The following LRMDA variants were observed in gnomAD, a reference collection of about 807,000 sequenced individuals.
LRMDA encodes the protein leucine-rich melanocyte differentiation-associated protein.
Under a neutral mutation model 29.8 loss-of-function variants are expected in LRMDA, and 18 were observed. That is an observed-to-expected ratio of 0.60 (90% confidence interval 0.42 to 0.90). The LOEUF (loss-of-function observed/expected upper bound fraction) is 0.90. LRMDA is among the 40% of genes least tolerant of loss of function. The probability of loss-of-function intolerance (pLI) is 0.00; values close to 1 mark genes in which losing one functional copy is unlikely to be tolerated. For synonymous variants in LRMDA, 125 were observed against 109.4 expected, an observed-to-expected ratio of 1.14 and a Z score of -0.89; for missense variants, 273 against 273.9, an observed-to-expected ratio of 1.00 and a Z score of 0.02.
chr10:76,183,658 CT>C (rs1851094069), intron 5 of LRMDA, among the ~76,000 whole-genome samples: 2 of 152,182 alleles, frequency 1.3e-5, no homozygotes, highest in Non-Finnish European at 2.9e-5. Flanking sequence ...AGAAGGAGAT[CT>C]AAATATGCTA....
At chr10:75,675,640 G>C (rs1421905895) in intron 2 of LRMDA, among the ~76,000 whole-genome samples, 1 of 151,966 alleles carries the variant, frequency 6.6e-6, no homozygotes, top group African/African-American at 2.4e-5. Context: ...CAAGTTATAT[G>C]TTCTTCTTGG....
At chr10:76,415,522 A>AT (rs1198557007) in intron 6 of LRMDA, among the ~76,000 whole-genome samples, 1 of 152,178 alleles carries the variant, frequency 6.6e-6, no homozygotes, top group Non-Finnish European at 1.5e-5. Context: ...AGTTTCTTCC[A>AT]TAAAAAGTAG....
At chr10:75,998,616 G>T (rs1284032433) in intron 2 of LRMDA, among the ~76,000 whole-genome samples, 4 of 152,222 alleles carry the variant, frequency 2.6e-5, no homozygotes, top group Admixed American at 1.3e-4. Context: ...TGGGGTTAGG[G>T]TTACTGTTGT....
At chr10:75,597,692 C>T (rs1840811169) in intron 2 of LRMDA, among the ~76,000 whole-genome samples, 1 of 152,006 alleles carries the variant, frequency 6.6e-6, no homozygotes, top group African/African-American at 2.4e-5. Flanking sequence ...AGCCTGTTGG[C>T]AAGAAAATGG....
chr10:76,276,032 T>C (rs1840127819), intron 5 of LRMDA, among the ~76,000 whole-genome samples: 1 of 148,402 alleles, frequency 6.7e-6, no homozygotes, highest in South Asian at 2.1e-4. Context: ...TATCTATCTA[T>C]CTATCTATCT....
chr10:76,128,579 T>C (rs568396536), intron 5 of LRMDA, among the ~76,000 whole-genome samples: 2 of 152,292 alleles, frequency 1.3e-5, no homozygotes, highest in South Asian at 4.1e-4. Flanking sequence ...AGTAAAGCCA[T>C]GCACTTGGCT....
At position 76,516,619 on chromosome 10, in the gene LRMDA, T is replaced by G. The variant is rs1843064319; in HGVS notation, c.602-40590T>G. 1.3e-5 allele frequency among the ~76,000 whole-genome samples: 2 copies of G among 152,164 alleles called. 1 individual carries two copies. Among genetic ancestry groups the G allele is most frequent in the South Asian group, 4.1e-4 (2 of 4,830 alleles). On this transcript the variant is annotated intron_variant, in intron 6 of 6. Transcript: ENST00000611255. ...GTTTTTTTTTGTCCTTGTGATAGTTTGCTGAGAATGATGGTTTCCAGTTTC... is the reference window on the plus strand; with the variant it reads ...GTTTTTTTTTGTCCTTGTGATAGTTGGCTGAGAATGATGGTTTCCAGTTTC...
At chr10:75,761,700 A>G (rs1455100458) in intron 2 of LRMDA, among the ~76,000 whole-genome samples, 2 of 152,122 alleles carry the variant, frequency 1.3e-5, no homozygotes, top group Non-Finnish European at 2.9e-5. Context: ...TATGGTACGT[A>G]TGTTTTACCA....
At chr10:76,166,551 T>A (rs1334569512) in intron 5 of LRMDA, among the ~76,000 whole-genome samples, 1 of 152,192 alleles carries the variant, frequency 6.6e-6, no homozygotes, top group Non-Finnish European at 1.5e-5. Context: ...CTCCTACTTA[T>A]CAGTAAGAAC....
chr10:76,253,314 T>A (rs2132299367), intron 5 of LRMDA, among the ~76,000 whole-genome samples: 1 of 152,324 alleles, frequency 6.6e-6, no homozygotes, highest in South Asian at 2.1e-4. Context: ...TTTGATGTAG[T>A]TAATTGATCT....
chr10:75,489,972 G>C (rs1362644370), intron 2 of LRMDA, among the ~76,000 whole-genome samples: 1 of 152,076 alleles, frequency 6.6e-6, no homozygotes, highest in Non-Finnish European at 1.5e-5. Context: ...CAACCCAATG[G>C]GATATTGATA....
intron 4 of LRMDA, among the ~76,000 whole-genome samples, chr10:76,051,471 G>A (rs1406163260): frequency 6.6e-6 from 1 of 152,222 alleles, no homozygotes; most frequent in Admixed American, 6.5e-5. Context: ...GCTCATTAGA[G>A]TGAGATTGTT....
intron 2 of LRMDA, among the ~76,000 whole-genome samples, chr10:75,723,345 C>A (rs997278552): frequency 5.9e-5 from 9 of 152,172 alleles, no homozygotes; most frequent in Non-Finnish European, 2.9e-5. Flanking sequence ...TTGTGATGAA[C>A]CAAGAAAGTA....
intron 2 of LRMDA, among the ~76,000 whole-genome samples, chr10:75,981,935 C>T (rs1291786580): frequency 6.6e-6 from 1 of 151,580 alleles, no homozygotes; most frequent in Non-Finnish European, 1.5e-5. Flanking sequence ...ACACCAGGTA[C>T]AGCTGGTGCA....
Position 75,886,704 on chromosome 10 carries a change from T to A in LRMDA, c.132-149304T>A, listed in dbSNP as rs1249912852. On this transcript the variant is annotated intron_variant, in intron 2 of 6. Coordinates refer to ENST00000611255, the MANE Select transcript of LRMDA (RefSeq NM_001305581.2). ...CTTTGGCCTCATTAGTATTATCCTA[T>A]AATCAAATAAGCTAATTAAGCTGTT... 2.6e-5 allele frequency among the ~76,000 whole-genome samples: 4 copies of A among 152,326 alleles called. No homozygotes were observed. The South Asian group carries it at 6.2e-4, about 24-fold the overall frequency.
intron 6 of LRMDA, among the ~76,000 whole-genome samples, chr10:76,463,813 T>C (rs1842536080): frequency 6.6e-6 from 1 of 151,976 alleles, no homozygotes; most frequent in African/African-American, 2.4e-5. Context: ...TCTCCCCAAA[T>C]AGGATGTGAA....
rs1008689111 is a variant in LRMDA, at chr10:76,208,301, A to G, written c.517-116100A>G. Among the ~76,000 whole-genome samples the G allele has an allele frequency of 7.9e-5, 12 of 152,328 alleles. No homozygotes were observed. The East Asian group carries it at 2.1e-3, about 27-fold the overall frequency. On this transcript the variant is annotated intron_variant, in intron 5 of 6. Coordinates refer to ENST00000611255, the MANE Select transcript of LRMDA (RefSeq NM_001305581.2). Reference sequence around the variant, plus strand: ...CAAGAGAGCTTAAAACAAGAAAGGCAGAACTTTATCATCTAAAGTAGCCTG... The same window carrying G: ...CAAGAGAGCTTAAAACAAGAAAGGCGGAACTTTATCATCTAAAGTAGCCTG...
At chr10:76,088,806 T>C (rs1032221553) in intron 5 of LRMDA, among the ~76,000 whole-genome samples, 1 of 152,200 alleles carries the variant, frequency 6.6e-6, no homozygotes, top group South Asian at 2.1e-4. Context: ...AAGATTTCCT[T>C]CTTCTTCCCA....
intron 5 of LRMDA, among the ~76,000 whole-genome samples, chr10:76,142,304 C>T (rs1850216862): frequency 1.3e-5 from 2 of 152,034 alleles, no homozygotes; most frequent in African/African-American, 4.8e-5. Flanking sequence ...CTTAAAAATG[C>T]AATGAATGAA....
Sources: gnomAD v4.1 joint callset for allele counts (sites outside exome capture counted in the v4.1 genomes callset) on GRCh38, gnomAD v4.1.1 for gene constraint, MANE v1.5 for transcripts, NCBI Gene and HGNC (gene_info 2026-07-23, HGNC 2026-07-21) for gene names.